Variants in NFIA observed in about 807,000 individuals in gnomAD.
The protein encoded by NFIA is nuclear factor I A.
NFIA carries 8 observed loss-of-function variants against 62.8 expected under a neutral mutation model. The observed-to-expected ratio is 0.13, with a 90% CI of 0.07 to 0.23. The LOEUF (loss-of-function observed/expected upper bound fraction) is 0.23, where lower values mean the gene tolerates loss of function less well. Ranked by LOEUF, NFIA falls within the 10% of genes least tolerant of loss-of-function variation. The pLI is 1.00. For missense variants in NFIA, 410 were observed against 642.1 expected (o/e 0.64, Z 3.91); for synonymous variants, 235 against 238.1 (o/e 0.99, Z 0.12).
chr1:61,136,049 A>G (rs1326564181), intron 2 of NFIA, among the ~76,000 whole-genome samples: 1 of 152,232 alleles, frequency 6.6e-6, no homozygotes, highest in African/African-American at 2.4e-5. Context: ...CTCACGAGAT[A>G]TACTACATCA....
chr1:61,084,245 C>G (rs1158980048), intron 1 of NFIA, among the ~76,000 whole-genome samples: 1 of 152,160 alleles, frequency 6.6e-6, no homozygotes, highest in Non-Finnish European at 1.5e-5. Context: ...GCTCTCCTCT[C>G]TAGATTCTGG....
intron 2 of NFIA, among the ~76,000 whole-genome samples, chr1:61,109,590 A>G (rs1570170897): frequency 6.6e-6 from 1 of 151,928 alleles, no homozygotes; most frequent in East Asian, 1.9e-4. Flanking sequence ...TAAATATGAA[A>G]AATAATGGTC....
chr1:61,127,235 A>G (rs1449905517), intron 2 of NFIA, among the ~76,000 whole-genome samples: 1 of 151,592 alleles, frequency 6.6e-6, no homozygotes, highest in East Asian at 2.0e-4. Context: ...AGGTGGATGG[A>G]TCGCGAGGTC....
At chr1:61,152,041 G>C (rs555384045) in intron 2 of NFIA, among the ~76,000 whole-genome samples, 1 of 152,224 alleles carries the variant, frequency 6.6e-6, no homozygotes, top group Admixed American at 6.5e-5. Context: ...AAAAATGTAT[G>C]TATCTTCCAT....
chr1:61,362,213 T>G (rs889294909), intron 6 of NFIA, among the ~76,000 whole-genome samples: 10 of 152,192 alleles, frequency 6.6e-5, no homozygotes, highest in Admixed American at 1.3e-4. Context: ...TATGCAGGCC[T>G]GCATAGCTTT....
intron 4 of NFIA, among the ~76,000 whole-genome samples, chr1:61,338,866 G>A (rs1330162867): frequency 6.6e-6 from 1 of 152,170 alleles, no homozygotes; most frequent in East Asian, 1.9e-4. Context: ...TGGTTTTCCT[G>A]TGTTAAGTAA....
chr1:61,204,543 G>A lies in NFIA; in HGVS notation c.560-72977G>A, dbSNP rs906842537. On this transcript the variant is annotated intron_variant, in intron 2 of 10. Transcript: ENST00000403491. ...TTTCTATGCAATCCTGGATGGTTAC[G>A]TAAGTTCCATTTTATTTGTATCTAT... 5.9e-5 allele frequency among the ~76,000 whole-genome samples: 9 copies of A among 151,974 alleles called. No homozygotes were observed. In the South Asian group the frequency reaches 1.0e-3, roughly 18 times the overall value.
At chr1:61,109,231 G>C (rs1466779798) in intron 2 of NFIA, among the ~76,000 whole-genome samples, 3 of 151,886 alleles carry the variant, frequency 2.0e-5, no homozygotes, top group Non-Finnish European at 4.4e-5. Flanking sequence ...CTATTAAGCA[G>C]TCAGGGGTTT....
chr1:61,369,280 T>A (rs1009309496), intron 6 of NFIA, among the ~76,000 whole-genome samples: 1 of 152,134 alleles, frequency 6.6e-6, no homozygotes, highest in Admixed American at 6.6e-5. Context: ...AACAGACAGT[T>A]TTCTGATTTG....
At chr1:61,089,839 T>C (rs1646288626) in intron 2 of NFIA, among the ~76,000 whole-genome samples, 1 of 152,110 alleles carries the variant, frequency 6.6e-6, no homozygotes, top group Non-Finnish European at 1.5e-5. Context: ...TTTCTCAATA[T>C]ATGTTTTAGA....
rs756176326 is a variant in NFIA at position 61,088,195 on chromosome 1, C to G, written c.74C>G (p.Ala25Gly). 2.5e-6 allele frequency: 4 copies of G among 1,613,420 alleles called. No individual in the cohort carries two copies. In the African/African-American group the frequency reaches 5.4e-5, roughly 22 times the overall value. Residue 25 changes from alanine (A) to glycine (G), a missense_variant, in exon 2 of 11, where the codon GCC becomes GGC. This residue lies in a region of NFIA where 86 missense variants were observed against 124.6 expected (regional missense o/e 0.69). Coordinates refer to ENST00000403491, the MANE Select transcript of NFIA (RefSeq NM_001134673.4). This position sits in a 1 kb window ranked among gnomAD's most constrained non-coding sequence, Gnocchi z 4.5. ...GAAGCACTTCTGCCCCACGTCCGAGCCTTTGCCTACACATGGTTCAACCTG... is the reference window on the plus strand; with the variant it reads ...GAAGCACTTCTGCCCCACGTCCGAGGCTTTGCCTACACATGGTTCAACCTG... ...FIEALLPHVR[A>G]FAYTWFNLQA...
chr1:61,335,829 C>T (rs1026890380), intron 4 of NFIA, among the ~76,000 whole-genome samples: 21 of 150,336 alleles, frequency 1.4e-4, no homozygotes, highest in African/African-American at 3.4e-4. Flanking sequence ...GTGACAAGGG[C>T]GAGACTCCAT....
At chr1:61,120,975 A>G (rs903154441) in intron 2 of NFIA, among the ~76,000 whole-genome samples, 4 of 152,208 alleles carry the variant, frequency 2.6e-5, no homozygotes, top group Non-Finnish European at 4.4e-5. Context: ...TAGCCATAAT[A>G]TCAGGGACAG....
At chr1:61,128,920 T>TTTTG (rs1557585214) in intron 2 of NFIA, among the ~76,000 whole-genome samples, 1 of 124,740 alleles carries the variant, frequency 8.0e-6, no homozygotes, top group Non-Finnish European at 1.7e-5. Context: ...CTTATGTTTT[T>TTTTG]TTTTTTTTTT....
At chr1:61,123,138 G>A (rs1646914639) in intron 2 of NFIA, among the ~76,000 whole-genome samples, 1 of 152,102 alleles carries the variant, frequency 6.6e-6, no homozygotes, top group African/African-American at 2.4e-5. Flanking sequence ...TTCCATTCTA[G>A]CTTCTAAATG....
At chr1:61,207,196 A>C (rs896305606) in intron 2 of NFIA, among the ~76,000 whole-genome samples, 1 of 152,174 alleles carries the variant, frequency 6.6e-6, no homozygotes, top group Non-Finnish European at 1.5e-5. Flanking sequence ...AATGTACAGA[A>C]TTTTGAAACA....
At chr1:61,400,823 T>A (rs149490109) in intron 7 of NFIA, among the ~76,000 whole-genome samples, 8 of 152,302 alleles carry the variant, frequency 5.3e-5, no homozygotes, top group African/African-American at 1.9e-4. Context: ...TTAACCCCAG[T>A]GGCTCTTTCT....
rs41289414 is a variant in NFIA at position 61,088,376 on chromosome 1, C to G, written c.255C>G (p.Pro85=). The change falls in exon 2 of 11, where the codon CCC becomes CCG. Residue 85 remains proline, a synonymous_variant. Coordinates refer to ENST00000403491, the MANE Select transcript of NFIA (RefSeq NM_001134673.4). This position sits in a 1 kb window ranked among gnomAD's most constrained non-coding sequence, Gnocchi z 4.5. The part of the protein sequence containing the change: ...LLAKLRKDIR[P]EYREDFVLTV... ...CAAAGTTGCGGAAAGATATCCGACC[C>G]GAATATCGAGAGGATTTTGTTCTTA... 2 of 1,613,608 alleles carry G rather than the reference C, an allele frequency of 1.2e-6. No individual in the cohort carries two copies. The highest frequency in any genetic ancestry group is 1.3e-5 in the African/African-American group (1 of 74,866).
intron 2 of NFIA, among the ~76,000 whole-genome samples, chr1:61,240,083 G>A (rs1054104866): frequency 1.3e-5 from 2 of 152,102 alleles, no homozygotes; most frequent in Non-Finnish European, 2.9e-5. Flanking sequence ...TCAGCATAAT[G>A]TCTTTCTACG....
Sources: allele counts gnomAD v4.1 joint callset (sites outside exome capture counted in the v4.1 genomes callset), GRCh38; gene constraint gnomAD v4.1.1; regional missense constraint gnomAD v4.1.1; non-coding constraint Gnocchi (gnomAD v3.1); transcripts MANE v1.5; gene names NCBI Gene and HGNC (gene_info 2026-07-23, HGNC 2026-07-21).